AIM2: variants seen among roughly 807,000 people sequenced by gnomAD.
AIM2 encodes the protein absent in melanoma 2, also known as interferon-inducible protein AIM2.
AIM2 carries 30 observed loss-of-function variants against 27.7 expected under a neutral mutation model. That is an observed-to-expected ratio of 1.08 (90% CI 0.81 to 1.47). AIM2 has a LOEUF of 1.47. Ranked by LOEUF, AIM2 falls within the 40% of genes most tolerant of loss-of-function variation. The pLI, the probability that AIM2 is intolerant of heterozygous loss-of-function variation, is 0.00. For synonymous variants in AIM2, 141 were observed against 145.3 expected, an observed-to-expected ratio of 0.97 and a Z score of 0.21; for missense variants, 358 against 411.3, an observed-to-expected ratio of 0.87 and a Z score of 1.12.
chr1:159,122,452 C>G (rs1157230982), intron 1 of AIM2: 2 of 152,346 alleles, frequency 1.3e-5, no homozygotes, highest in East Asian at 3.9e-4. Flanking sequence ...CACAGCCATG[C>G]CCATGCCATT....
At chr1:159,138,164 G>T (rs963201021) in intron 1 of AIM2, among the ~76,000 whole-genome samples, 2 of 152,148 alleles carry the variant, frequency 1.3e-5, no homozygotes, top group African/African-American at 4.8e-5. Context: ...GACCTAACAA[G>T]GCAGAGTTGG....
At chr1:159,105,613 C>T (rs1337477864) in intron 1 of AIM2, among the ~76,000 whole-genome samples, 2 of 152,080 alleles carry the variant, frequency 1.3e-5, no homozygotes, top group African/African-American at 4.8e-5. Flanking sequence ...GCAGGTCGTC[C>T]CGATGAGTGT....
At chr1:159,143,689 G>A (rs150596193), upstream of AIM2, among the ~76,000 whole-genome samples, 1,739 of 151,476 alleles carry the variant, frequency 0.011, 27 homozygotes, top group South Asian at 0.014. Flanking sequence ...CCTGAGTGAC[G>A]TCCAAAGTAT....
At chr1:159,112,213 G>A (rs1321936011) in intron 1 of AIM2, among the ~76,000 whole-genome samples, 1 of 152,122 alleles carries the variant, frequency 6.6e-6, no homozygotes, top group African/African-American at 2.4e-5. Flanking sequence ...TGAAAATGCT[G>A]AAGGGTTGAA....
At chr1:159,133,109 C>T (rs1435223000) in intron 1 of AIM2, among the ~76,000 whole-genome samples, 1 of 152,228 alleles carries the variant, frequency 6.6e-6, no homozygotes, top group African/African-American at 2.4e-5. Context: ...AATGCCTTCT[C>T]TGGCACTCTG....
At chr1:159,123,568 T>C (rs1343325206) in intron 1 of AIM2, 1 of 152,264 alleles carries the variant, frequency 6.6e-6, no homozygotes, top group African/African-American at 2.4e-5. Context: ...AAATGTTTCC[T>C]GATAGTTAAG....
upstream of AIM2, chr1:159,081,631 AC>A (rs1459684052): frequency 2.4e-5 from 8 of 328,860 alleles, no homozygotes; most frequent in Non-Finnish European, 4.4e-5. Flanking sequence ...GGTCACCATA[AC>A]CTTGGTAACA....
intron 1 of AIM2, among the ~76,000 whole-genome samples, chr1:159,133,541 C>T (rs1647949695): frequency 6.6e-6 from 1 of 152,094 alleles, no homozygotes; most frequent in Admixed American, 6.5e-5. Context: ...CCCTCTGCAA[C>T]TCCCTCCATC....
At chr1:159,067,237 G>A (rs56046690) in intron 3 of AIM2, among the ~76,000 whole-genome samples, 5,355 of 152,206 alleles carry the variant, frequency 0.035, 107 homozygotes, top group Non-Finnish European at 0.046. Flanking sequence ...CAACATCAAT[G>A]TATTTTTTTC....
At chr1:159,089,877 T>C (rs938474089) in intron 1 of AIM2, among the ~76,000 whole-genome samples, 4 of 152,228 alleles carry the variant, frequency 2.6e-5, no homozygotes, top group African/African-American at 9.6e-5. Flanking sequence ...AACTGGACCC[T>C]AGACCCTTCA....
intron 2 of AIM2, among the ~76,000 whole-genome samples, chr1:159,071,162 T>G (rs1656344262): frequency 6.6e-6 from 1 of 152,234 alleles, no homozygotes; most frequent in Non-Finnish European, 1.5e-5. Context: ...CTCATCTTGC[T>G]TCATACAAAA....
intron 1 of AIM2, among the ~76,000 whole-genome samples, chr1:159,118,731 AC>A (rs1445271867): frequency 2.0e-5 from 3 of 152,252 alleles, no homozygotes; most frequent in African/African-American, 7.2e-5. Context: ...GGTGACTTCT[AC>A]TGGTATTATT....
At chr1:159,057,816 G>A (rs1195062817), downstream of AIM2, among the ~76,000 whole-genome samples, 2 of 152,156 alleles carry the variant, frequency 1.3e-5, no homozygotes, top group Non-Finnish European at 2.9e-5. Context: ...GGACTGAGTT[G>A]TTTGCAAAAT....
Position 159,073,538 on chromosome 1 carries a change from A to T in AIM2, c.-20-19T>A, listed in dbSNP as rs747194370. The T allele has an allele frequency of 6.3e-7, 1 of 1,585,788 alleles. No homozygotes were observed. The highest frequency in any genetic ancestry group is 8.6e-7 in the Non-Finnish European group (1 of 1,161,546). On this transcript the variant is annotated intron_variant, in intron 1 of 5. Coordinates refer to ENST00000368130, the MANE Select transcript of AIM2 (RefSeq NM_004833.3). ...GATCAGCCTATAAGGAATCCAAAACATGTAAGATTACACCACCAAAAGTGA... is the reference window on the plus strand; with the variant it reads ...GATCAGCCTATAAGGAATCCAAAACTTGTAAGATTACACCACCAAAAGTGA...
Position 159,065,930 on chromosome 1 carries a change from C to T in AIM2, c.796G>A (p.Gly266Ser), listed in dbSNP as rs1407753972. 6.2e-7 allele frequency: 1 copy of T among 1,607,600 alleles called. No individual in the cohort carries two copies. Among genetic ancestry groups the T allele is most frequent in the Non-Finnish European group, 8.5e-7 (1 of 1,176,658 alleles). Reference protein sequence around the residue: ...QTQPLGTIVNGLFVVQKVTEK... With the variant: ...QTQPLGTIVNSLFVVQKVTEK... ...CTTACCTTCTGGACTACAAACAAAC[C>T]ATTCACAATTGTTCCAAGGGGCTGA... The change falls in exon 4 of 6, where the codon GGT becomes AGT. Residue 266 changes from glycine to serine, a missense_variant. Physicochemically the swap from Gly to Ser is moderately conservative, Grantham distance 56 (BLOSUM62 0). Transcript: ENST00000368130.
intron 1 of AIM2, among the ~76,000 whole-genome samples, chr1:159,099,356 G>C (rs1657264987): frequency 6.6e-6 from 1 of 152,132 alleles, no homozygotes; most frequent in African/African-American, 2.4e-5. Context: ...AAAGTTCCAG[G>C]GAGCGGCCAT....
intron 1 of AIM2, among the ~76,000 whole-genome samples, chr1:159,083,626 CTAAA>C (rs1319317139): frequency 2.0e-5 from 3 of 152,190 alleles, no homozygotes; most frequent in African/African-American, 7.2e-5. Context: ...TTTAGCTCTA[CTAAA>C]TACTCACCCA....
At chr1:159,127,804 A>T (rs1161604500) in intron 1 of AIM2, among the ~76,000 whole-genome samples, 5 of 152,126 alleles carry the variant, frequency 3.3e-5, no homozygotes, top group African/African-American at 7.2e-5. Context: ...TAGCCTCCAG[A>T]ACTGTGAGAA....
upstream of AIM2, among the ~76,000 whole-genome samples, chr1:159,141,555 T>TA (rs1648110135): frequency 6.6e-6 from 1 of 151,956 alleles, no homozygotes; most frequent in African/African-American, 2.4e-5. Flanking sequence ...GGAGTAAATA[T>TA]AATTATCAAC....
Sources: gnomAD v4.1 joint callset for allele counts (sites outside exome capture counted in the v4.1 genomes callset) on GRCh38, gnomAD v4.1.1 for gene constraint, MANE v1.5 for transcripts, NCBI Gene and HGNC (gene_info 2026-07-23, HGNC 2026-07-21) for gene names.